RGPD2: variants seen among roughly 807,000 people sequenced by gnomAD.
RGPD2 encodes RANBP2 like and GRIP domain containing 2, also known as RANBP2-like and GRIP domain-containing protein 2.
RGPD2 carries 2 observed loss-of-function variants against 36.0 expected under a neutral mutation model. That is an observed-to-expected ratio of 0.06 (90% CI 0.02 to 0.17). The LOEUF is 0.17. Ranked by LOEUF, RGPD2 falls within the 10% of genes least tolerant of loss-of-function variation. The probability of loss-of-function intolerance (pLI) is 1.00; values close to 1 mark genes in which losing one functional copy is unlikely to be tolerated. For synonymous variants in RGPD2, 19 were observed against 163.8 expected (o/e 0.12, Z 6.75); for missense variants, 40 against 464.3 (o/e 0.09, Z 8.40).
At chr2:87,824,717 C>T (rs1477318421) in intron 1 of RGPD2, among the ~76,000 whole-genome samples, 3 of 122,462 alleles carry the variant, frequency 2.4e-5, no homozygotes, top group Admixed American at 1.5e-4. Context: ...AGGCCGAGGC[C>T]GCCGCCGCCG....
the RGPD2 span, among the ~76,000 whole-genome samples, chr2:87,905,334 T>C: frequency 2.0e-5 from 3 of 152,194 alleles, no homozygotes; most frequent in East Asian, 1.9e-4. Context: ...AACTTTGAAA[T>C]AGAGAATATG....
the RGPD2 span, among the ~76,000 whole-genome samples, chr2:87,906,458 G>A: frequency 7.4e-5 from 4 of 53,784 alleles, no homozygotes; most frequent in Admixed American, 4.0e-4. Flanking sequence ...GCAAATGAGC[G>A]TTAATGCAAA....
chr2:87,863,556 A>T, the RGPD2 span, among the ~76,000 whole-genome samples: 13 of 152,156 alleles, frequency 8.5e-5, no homozygotes, highest in East Asian at 1.4e-3. Context: ...GGCAAATGGA[A>T]TACAGAATGA....
chr2:87,964,043 A>G, the RGPD2 span, among the ~76,000 whole-genome samples: 1 of 151,644 alleles, frequency 6.6e-6, no homozygotes, highest in East Asian at 1.9e-4. Flanking sequence ...ACCATGTTGG[A>G]CAGGCTGGTC....
the RGPD2 span, among the ~76,000 whole-genome samples, chr2:87,929,075 T>C: frequency 6.6e-6 from 1 of 152,020 alleles, no homozygotes. Context: ...TTGTCAATTT[T>C]TGCTTTTGTT....
At chr2:87,857,758 G>A in the RGPD2 span, among the ~76,000 whole-genome samples, 1 of 144,908 alleles carries the variant, frequency 6.9e-6, no homozygotes, top group Non-Finnish European at 1.5e-5. Context: ...CCAACACGGT[G>A]AAACCCCATC....
At chr2:87,806,213 TAATA>T (rs1479777234) in intron 7 of RGPD2, among the ~76,000 whole-genome samples, 1 of 94,990 alleles carries the variant, frequency 1.1e-5, no homozygotes, top group African/African-American at 3.5e-5. Context: ...TTTCAAAGAT[TAATA>T]GATATACTGT....
the RGPD2 span, among the ~76,000 whole-genome samples, chr2:87,967,440 G>T: frequency 1.3e-5 from 2 of 150,046 alleles, no homozygotes; most frequent in Admixed American, 6.6e-5. Context: ...CAACAAATTT[G>T]TTTTTGATAA....
chr2:87,769,608 T>C (rs1364926023), intron 22 of RGPD2, among the ~76,000 whole-genome samples: 3 of 151,810 alleles, frequency 2.0e-5, no homozygotes, highest in Non-Finnish European at 2.9e-5. Flanking sequence ...AACGTCTACA[T>C]TAAACATGCT....
the RGPD2 span, among the ~76,000 whole-genome samples, chr2:87,861,113 A>G: frequency 6.6e-6 from 1 of 150,666 alleles, no homozygotes; most frequent in Non-Finnish European, 1.5e-5. Flanking sequence ...TGGATACATA[A>G]TACATTCCAT....
chr2:87,989,801 A>T, the RGPD2 span: 7 of 1,311,642 alleles, frequency 5.3e-6, no homozygotes, highest in African/African-American at 1.0e-4. Context: ...GTTTTGAAGA[A>T]TCCCTCAGTT....
chr2:87,986,163 T>A, the RGPD2 span, among the ~76,000 whole-genome samples: 1 of 121,752 alleles, frequency 8.2e-6, no homozygotes, highest in African/African-American at 3.0e-5. Flanking sequence ...TGAGAGAGTG[T>A]CTCGCTCTGT....
chr2:87,809,831 G>A (rs907929373), intron 6 of RGPD2, among the ~76,000 whole-genome samples: 4 of 144,726 alleles, frequency 2.8e-5, no homozygotes, highest in Admixed American at 1.4e-4. Context: ...CCCCTCTGAG[G>A]GCCAAGGGCT....
At chr2:87,832,305 T>C in the RGPD2 span, among the ~76,000 whole-genome samples, 9 of 149,728 alleles carry the variant, frequency 6.0e-5, no homozygotes, top group Admixed American at 6.0e-4. Flanking sequence ...ATGTTAGTAA[T>C]TGTTTTAAAT....
At chr2:87,917,957 T>G in the RGPD2 span, among the ~76,000 whole-genome samples, 1 of 119,258 alleles carries the variant, frequency 8.4e-6, no homozygotes, top group Non-Finnish European at 1.7e-5. Flanking sequence ...CTTGAAACAT[T>G]TTGGATCAAA....
At chr2:87,769,326 T>C (rs1424403480) in intron 22 of RGPD2, among the ~76,000 whole-genome samples, 1 of 150,306 alleles carries the variant, frequency 6.7e-6, no homozygotes, top group Admixed American at 6.6e-5. Flanking sequence ...TAAACCATCA[T>C]TGTTTTTAAT....
the RGPD2 span, among the ~76,000 whole-genome samples, chr2:87,988,816 C>T: frequency 6.6e-6 from 1 of 151,890 alleles, no homozygotes; most frequent in Non-Finnish European, 1.5e-5. Context: ...GTTGGGATTA[C>T]AGGTGTGAGC....
the RGPD2 span, among the ~76,000 whole-genome samples, chr2:87,841,658 T>G: frequency 2.0e-5 from 3 of 151,026 alleles, no homozygotes; most frequent in Non-Finnish European, 4.4e-5. Context: ...CCATTCCTTC[T>G]GAAACTATTC....
chr2:87,829,407 T>C (rs867709132), upstream of RGPD2, among the ~76,000 whole-genome samples: 4,056 of 146,878 alleles, frequency 0.028, 76 homozygotes, highest in African/African-American at 0.098. Flanking sequence ...ACATTAGATG[T>C]CTAGAACCCA....
Sources: gnomAD v4.1 joint callset for allele counts (sites outside exome capture counted in the v4.1 genomes callset) on GRCh38, gnomAD v4.1.1 for gene constraint, MANE v1.5 for transcripts, NCBI Gene and HGNC (gene_info 2026-07-23, HGNC 2026-07-21) for gene names.